LRRK2: variants seen among roughly 807,000 people sequenced by gnomAD.
The protein encoded by LRRK2 is leucine rich repeat kinase 2.
LRRK2 carries 203 observed loss-of-function variants against 302.6 expected under a neutral mutation model. The observed-to-expected ratio is 0.67, with a 90% CI of 0.60 to 0.75. The LOEUF (loss-of-function observed/expected upper bound fraction) is 0.75. LRRK2 is among the 30% of genes least tolerant of loss of function. LRRK2 has a pLI of 0.00. For missense variants in LRRK2, 2,830 were observed against 2,951.0 expected (o/e 0.96, Z 0.95); for synonymous variants, 1,066 against 1,031.9 (o/e 1.03, Z -0.63).
chr12:40,326,928 ACT>A (rs1046140450), intron 38 of LRRK2, among the ~76,000 whole-genome samples: 2 of 152,196 alleles, frequency 1.3e-5, no homozygotes, highest in African/African-American at 4.8e-5. Context: ...ATTTTAATAT[ACT>A]CTCTCTGAGC....
At chr12:40,282,896 A>G (rs1455548971) in intron 18 of LRRK2, among the ~76,000 whole-genome samples, 1 of 152,100 alleles carries the variant, frequency 6.6e-6, no homozygotes, top group Non-Finnish European at 1.5e-5. Context: ...ATTTTGGGTA[A>G]TGAAAGTCAC....
Position 40,278,125 on chromosome 12 carries a change from T to C in LRRK2, c.2105T>C (p.Val702Ala), listed in dbSNP as rs768764049. The C allele has an allele frequency of 1.9e-6, 3 of 1,614,116 alleles. No individual in the cohort carries two copies. Among genetic ancestry groups the C allele is most frequent in the Non-Finnish European group, 2.5e-6 (3 of 1,179,996 alleles). Reference protein sequence around the residue: ...LNLCCKCFAKVAMDDYLKNVM... With the variant: ...LNLCCKCFAKAAMDDYLKNVM... ...CTCTGTTGCAAGTGTTTTGCAAAAG[T>C]AGCTATGGATGATTACTTAAAAAAT... is the stretch of plus-strand genomic sequence containing the variant. The change falls in exon 18 of 51, where the codon GTA becomes GCA. Residue 702 changes from valine (V) to alanine (A), a missense_variant. Val to Ala is a moderately conservative substitution (Grantham distance 64, BLOSUM62 0). Coordinates refer to ENST00000298910, the MANE Select transcript of LRRK2 (RefSeq NM_198578.4).
Position 40,314,096 on chromosome 12 carries a change from T to C in LRRK2, c.4661T>C (p.Leu1554Ser). ...CCCGTAATTGACCGGAAACGATTAT[T>C]ACAACTAGTGAGAGAAAATCAGCTG... ...EFPVIDRKRLLQLVRENQLQL... is the reference protein window; with the variant it reads ...EFPVIDRKRLSQLVRENQLQL... The change falls in exon 32 of 51, where the codon TTA becomes TCA. Residue 1554 changes from leucine to serine, a missense_variant. Around this residue, in one of 3 missense-constraint regions of LRRK2, gnomAD observed 2,121 missense variants for 2,148.0 expected, o/e 0.99. Transcript: ENST00000298910. 2 of 1,612,826 alleles carry C rather than the reference T, an allele frequency of 1.2e-6. No homozygotes were observed. Among genetic ancestry groups the C allele is most frequent in the South Asian group, 2.2e-5 (2 of 91,068 alleles).
chr12:40,309,727 G>C (rs1439954741), intron 30 of LRRK2, among the ~76,000 whole-genome samples: 1 of 151,860 alleles, frequency 6.6e-6, no homozygotes, highest in Non-Finnish European at 1.5e-5. Flanking sequence ...TTGTTGTCTT[G>C]TTGTCAGCTA....
At chr12:40,362,099 A>G (rs1946728368) in intron 47 of LRRK2, among the ~76,000 whole-genome samples, 1 of 152,106 alleles carries the variant, frequency 6.6e-6, no homozygotes, top group South Asian at 2.1e-4. Flanking sequence ...GGATCAAGCA[A>G]GATAACACAC....
intron 24 of LRRK2, among the ~76,000 whole-genome samples, 190 bp from the exon 25 acceptor site, chr12:40,298,919 A>G (rs1478713944): frequency 2.1e-5 from 2 of 93,160 alleles, no homozygotes; most frequent in African/African-American, 7.8e-5. Flanking sequence ...AATACTTATT[A>G]TATATATAAT....
chr12:40,361,525 A>T (rs1946704572), intron 47 of LRRK2, among the ~76,000 whole-genome samples: 2 of 151,978 alleles, frequency 1.3e-5, no homozygotes, highest in South Asian at 4.1e-4. Context: ...CTTTTAACCC[A>T]ATTATACAAG....
chr12:40,276,632 C>T (rs777951643), intron 16 of LRRK2, among the ~76,000 whole-genome samples: 13 of 152,088 alleles, frequency 8.5e-5, no homozygotes, highest in Non-Finnish European at 1.3e-4. Context: ...ATTCGAATGA[C>T]GTACTTTCTG....
Position 40,238,029 on chromosome 12 carries a change from C to T in LRRK2, c.497C>T (p.Ala166Val). Residue 166 changes from alanine (A) to valine (V), a missense_variant, in exon 5 of 51, where the codon GCC becomes GTC. By Grantham distance (64) the Ala-to-Val change is moderately conservative (BLOSUM62 0). Transcript: ENST00000298910. Reference sequence around the variant, plus strand: ...GATATTTTCATGTTAATTTTTGATGCCATGCACTCATTTCCAGCCAATGAT... The same window carrying T: ...GATATTTTCATGTTAATTTTTGATGTCATGCACTCATTTCCAGCCAATGAT... ...ESDIFMLIFD[A>V]MHSFPANDEV... The T allele has an allele frequency of 2.5e-6, 4 of 1,613,294 alleles. No individual in the cohort carries two copies. Among genetic ancestry groups the T allele is most frequent in the Non-Finnish European group, 3.4e-6 (4 of 1,179,478 alleles).
intron 25 of LRRK2, among the ~76,000 whole-genome samples, chr12:40,301,388 C>A (rs774281280): frequency 1.3e-5 from 2 of 152,116 alleles, no homozygotes; most frequent in Non-Finnish European, 2.9e-5. Context: ...CAGGCCACAG[C>A]ACTCCAGCCT....
rs1268083384 is a variant in LRRK2, at chr12:40,257,228, A to G, written c.1289-20A>G. On this transcript the variant is annotated intron_variant, in intron 11 of 50. Transcript: ENST00000298910. ...AAAATATGCTTTCATATCTATAAGT[A>G]ACATTTTAAAAAATCTCAGTTAATT... 6.0e-6 allele frequency: 9 copies of G among 1,487,682 alleles called. No individual in the cohort carries two copies. Among genetic ancestry groups the G allele is most frequent in the Non-Finnish European group, 7.5e-6 (8 of 1,066,874 alleles). 92.2% of individuals were successfully genotyped at this position (1,487,682 alleles called of 1,614,324 possible). A position where few individuals can be genotyped will look rare whatever the true frequency, so the allele number is the denominator to read the frequency against.
intron 25 of LRRK2, among the ~76,000 whole-genome samples, chr12:40,301,668 C>A (rs1446011558): frequency 6.6e-6 from 1 of 152,126 alleles, no homozygotes; most frequent in Non-Finnish European, 1.5e-5. Context: ...AAGAATAACC[C>A]ATATTTTTAA....
intron 19 of LRRK2, among the ~76,000 whole-genome samples, chr12:40,284,473 C>T (rs1045835434): frequency 7.3e-6 from 1 of 136,850 alleles, no homozygotes; most frequent in African/African-American, 2.5e-5. Context: ...CTTATTTTAT[C>T]TCTTATAAGT....
At chr12:40,338,953 G>A (rs1449080922) in intron 40 of LRRK2, among the ~76,000 whole-genome samples, 1 of 152,142 alleles carries the variant, frequency 6.6e-6, no homozygotes, top group Admixed American at 6.6e-5. Flanking sequence ...AACTTCATTA[G>A]TGTATTTATC....
intron 14 of LRRK2, among the ~76,000 whole-genome samples, chr12:40,269,358 G>A (rs1394224350): frequency 6.6e-6 from 1 of 152,146 alleles, no homozygotes. Context: ...TGAAGCATGT[G>A]ACTAATTTTG....
At chr12:40,327,440 C>A (rs528202123) in intron 38 of LRRK2, among the ~76,000 whole-genome samples, 2 of 152,182 alleles carry the variant, frequency 1.3e-5, no homozygotes, top group East Asian at 3.9e-4. Context: ...CAGACATTAG[C>A]GTTTTAAAAA....
rs200212150 is a variant in LRRK2 at position 40,314,084 on chromosome 12, G to A, written c.4649G>A (p.Arg1550Gln). The change falls in exon 32 of 51, where the codon CGG (arginine) becomes CAG (glutamine). Residue 1550 changes from arginine to glutamine, a missense_variant. Transcript: ENST00000298910. ...NVPIEFPVIDRKRLLQLVREN... is the reference protein window; with the variant it reads ...NVPIEFPVIDQKRLLQLVREN... ...CCAATTGAATTTCCCGTAATTGACCGGAAACGATTATTACAACTAGTGAGA... is the reference window on the plus strand; with the variant it reads ...CCAATTGAATTTCCCGTAATTGACCAGAAACGATTATTACAACTAGTGAGA... The A allele has an allele frequency of 1.6e-5, 25 of 1,612,444 alleles. No individual in the cohort carries two copies. The highest frequency in any genetic ancestry group is 4.5e-5 in the East Asian group (2 of 44,826).
In LRRK2 at chr12:40,369,062, G is replaced by A. The variant is rs1417701864; in HGVS notation, c.*1297G>A. 1.3e-5 allele frequency: 2 copies of A among 151,498 alleles called. No individual in the cohort carries two copies. The highest frequency in any genetic ancestry group is 1.3e-4 in the Admixed American group (2 of 15,158). 9.4% of individuals were successfully genotyped at this position (151,498 alleles called of 1,614,324 possible). On this transcript the variant is annotated 3_prime_UTR_variant, in exon 51 of 51. Transcript: ENST00000298910. ...AAAACTTTAAATTTATTTATATTAA[G>A]GGTAATCAAATTCTTAAAGATGAAA...
chr12:40,361,051 AG>A (rs1280687380), intron 47 of LRRK2, among the ~76,000 whole-genome samples: 2 of 152,110 alleles, frequency 1.3e-5, no homozygotes, highest in Admixed American at 6.6e-5. Context: ...AGAAACCACT[AG>A]GTAGCTGAAA....
Sources: gnomAD v4.1 joint callset for allele counts (sites outside exome capture counted in the v4.1 genomes callset) on GRCh38, gnomAD v4.1.1 for gene constraint, gnomAD v4.1.1 regional missense constraint, MANE v1.5 for transcripts, NCBI Gene and HGNC (gene_info 2026-07-23, HGNC 2026-07-21) for gene names.